Variants in CSMD3 observed in about 807,000 individuals in gnomAD.
The protein encoded by CSMD3 is CUB and Sushi multiple domains 3.
Under a neutral mutation model 435.2 loss-of-function variants are expected in CSMD3, and 177 were observed. The ratio of observed to expected loss-of-function variants is 0.41; its 90% CI spans 0.36 to 0.46. The LOEUF (loss-of-function observed/expected upper bound fraction) is 0.46. Ranked by LOEUF, CSMD3 falls within the 20% of genes least tolerant of loss-of-function variation. The pLI is 0.34. For missense variants in CSMD3, 4,265 were observed against 4,504.6 expected (o/e 0.95, Z 1.52); for synonymous variants, 1,656 against 1,520.5 (o/e 1.09, Z -2.07).
chr8:113,018,399 T>C (rs1258526736), intron 6 of CSMD3, among the ~76,000 whole-genome samples: 2 of 151,942 alleles, frequency 1.3e-5, no homozygotes, highest in African/African-American at 4.8e-5. Flanking sequence ...AGAATGTAAC[T>C]GTGGCAATGC....
At chr8:113,262,551 T>G (rs1178471204) in intron 3 of CSMD3, among the ~76,000 whole-genome samples, 1 of 152,034 alleles carries the variant, frequency 6.6e-6, no homozygotes, top group Non-Finnish European at 1.5e-5. Context: ...GTCACTCTTA[T>G]GACTACATTA....
intron 2 of CSMD3, among the ~76,000 whole-genome samples, chr8:113,302,398 C>G (rs1334012817): frequency 6.8e-6 from 1 of 148,054 alleles, no homozygotes; most frequent in Non-Finnish European, 1.5e-5. Context: ...AATAGCCTGA[C>G]AGAGTATGTA....
chr8:112,711,323 G>C (rs2076605261), intron 13 of CSMD3, among the ~76,000 whole-genome samples: 1 of 151,820 alleles, frequency 6.6e-6, no homozygotes, highest in Admixed American at 6.6e-5. Flanking sequence ...GAAGACAGAG[G>C]CACCATTAAA....
rs1028262765 is a variant in CSMD3 at position 112,613,736 on chromosome 8, TA to T, written c.3715+23080del. Among the ~76,000 whole-genome samples the T allele has an allele frequency of 3.4e-4, 52 of 151,894 alleles. No homozygotes were observed. In the South Asian group the frequency reaches 3.9e-3, roughly 12 times the overall value. On this transcript the variant is annotated intron_variant, in intron 22 of 70. Transcript: ENST00000297405. The stretch of plus-strand genomic sequence containing the variant: ...ATGCTCTGTGCTAGAGATCCAGCCA[TA>T]AAAAAAAGAGCAAGAAAGATAAATA...
chr8:112,488,023 G>A (rs1156492361), intron 31 of CSMD3, among the ~76,000 whole-genome samples: 1 of 152,078 alleles, frequency 6.6e-6, no homozygotes, highest in Non-Finnish European at 1.5e-5. Flanking sequence ...CAGATATGCT[G>A]TTCTGCTATT....
chr8:112,920,997 G>GCGCACA (rs1458338482), intron 10 of CSMD3, among the ~76,000 whole-genome samples: 59 of 114,976 alleles, frequency 5.1e-4, no homozygotes, highest in African/African-American at 1.6e-3. Flanking sequence ...ACGCGCGCGC[G>GCGCACA]CACACACACA....
intron 22 of CSMD3, among the ~76,000 whole-genome samples, chr8:112,630,451 G>A (rs996647526): frequency 6.6e-6 from 1 of 152,012 alleles, no homozygotes; most frequent in East Asian, 1.9e-4. Flanking sequence ...AAAATGGAAT[G>A]ATAATATCTT....
At chr8:112,683,873 T>C (rs2075956634) in intron 15 of CSMD3, among the ~76,000 whole-genome samples, 1 of 151,766 alleles carries the variant, frequency 6.6e-6, no homozygotes, top group African/African-American at 2.4e-5. Flanking sequence ...AGGTACGTTT[T>C]AGAATACATA....
chr8:113,144,076 GTTA>G (rs1160821312), intron 4 of CSMD3, among the ~76,000 whole-genome samples: 2 of 149,862 alleles, frequency 1.3e-5, no homozygotes, highest in African/African-American at 2.4e-5. Flanking sequence ...GGTTAAAAGG[GTTA>G]TTTATAGTTA....
intron 1 of CSMD3, among the ~76,000 whole-genome samples, chr8:113,325,641 T>C (rs1185864326): frequency 1.3e-5 from 2 of 152,130 alleles, no homozygotes; most frequent in Non-Finnish European, 1.5e-5. Flanking sequence ...ATCCCGTAAT[T>C]CCCCACTGAT....
intron 4 of CSMD3, among the ~76,000 whole-genome samples, chr8:113,171,244 T>C (rs1024898667): frequency 2.0e-5 from 3 of 152,062 alleles, no homozygotes; most frequent in Non-Finnish European, 4.4e-5. Flanking sequence ...ATGATTTTGG[T>C]ATGTCTGCCT....
chr8:113,422,129 T>C (rs1316301088), intron 1 of CSMD3, among the ~76,000 whole-genome samples: 2 of 152,160 alleles, frequency 1.3e-5, no homozygotes, highest in African/African-American at 2.4e-5. Context: ...CTGTCCTCTA[T>C]GAAGAGGGTA....
chr8:113,132,782 G>A (rs1217417781), intron 4 of CSMD3, among the ~76,000 whole-genome samples: 2 of 152,152 alleles, frequency 1.3e-5, no homozygotes, highest in African/African-American at 2.4e-5. Context: ...ACTGTGCATT[G>A]GGAATAGGGA....
chr8:113,290,890 T>C (rs1053972209), intron 2 of CSMD3, among the ~76,000 whole-genome samples: 1 of 151,494 alleles, frequency 6.6e-6, no homozygotes. Context: ...AATTAAATAA[T>C]AAATTACTTG....
At chr8:113,310,465 G>C (rs953555478) in intron 2 of CSMD3, 10 of 151,688 alleles carry the variant, frequency 6.6e-5, no homozygotes, top group Non-Finnish European at 1.3e-4. Context: ...TCACAAAAAG[G>C]AAATATTTAC....
At chr8:112,684,452 A>C (rs946162980) in intron 15 of CSMD3, among the ~76,000 whole-genome samples, 2 of 152,096 alleles carry the variant, frequency 1.3e-5, no homozygotes, top group Non-Finnish European at 2.9e-5. Context: ...CAACAGGAAG[A>C]GCTGGAAACT....
intron 12 of CSMD3, among the ~76,000 whole-genome samples, chr8:112,815,099 A>G (rs2079336243): frequency 6.6e-6 from 1 of 152,142 alleles, no homozygotes. Context: ...TAAGTTAAAA[A>G]AAAAAAGAAA....
At chr8:113,181,595 G>C (rs888894570) in intron 3 of CSMD3, among the ~76,000 whole-genome samples, 9 of 151,958 alleles carry the variant, frequency 5.9e-5, no homozygotes, top group African/African-American at 1.9e-4. Flanking sequence ...TTACAAAAAC[G>C]ATATTATATT....
chr8:113,240,383 T>C (rs903937022), intron 3 of CSMD3, among the ~76,000 whole-genome samples: 6 of 152,182 alleles, frequency 3.9e-5, no homozygotes, highest in African/African-American at 9.6e-5. Context: ...AGTGATGAGA[T>C]TGCCAGGTCA....
Sources: allele counts gnomAD v4.1 joint callset (sites outside exome capture counted in the v4.1 genomes callset), GRCh38; gene constraint gnomAD v4.1.1; transcripts MANE v1.5; gene names NCBI Gene and HGNC (gene_info 2026-07-23, HGNC 2026-07-21).